CDYL: variants seen among roughly 807,000 people sequenced by gnomAD.
The protein encoded by CDYL is chromodomain Y-like protein.
In CDYL, 8 loss-of-function variants were observed where a neutral mutation model predicts 47.3. The observed-to-expected ratio is 0.17, with a 90% confidence interval of 0.10 to 0.31. CDYL has a LOEUF of 0.31. Ranked by LOEUF, CDYL falls within the 10% of genes least tolerant of loss-of-function variation. The pLI is 1.00. For synonymous variants in CDYL, 266 were observed against 265.0 expected (o/e 1.00, Z -0.04); for missense variants, 471 against 701.4 (o/e 0.67, Z 3.71).
At chr6:4,893,414 C>A (rs377044661) in intron 2 of CDYL, among the ~76,000 whole-genome samples, 2 of 152,188 alleles carry the variant, frequency 1.3e-5, no homozygotes, top group Admixed American at 1.3e-4. Flanking sequence ...TCTCTTTAGC[C>A]GGGCGTGGTG....
At chr6:4,887,415 CCT>C (rs1304954480) in intron 1 of CDYL, among the ~76,000 whole-genome samples, 1 of 151,916 alleles carries the variant, frequency 6.6e-6, no homozygotes, top group Non-Finnish European at 1.5e-5. Context: ...CTCTTTTATT[CCT>C]GTTTTTTTTC....
intron 2 of CDYL, among the ~76,000 whole-genome samples, chr6:4,922,816 G>A (rs2127510183): frequency 6.6e-6 from 1 of 152,270 alleles, no homozygotes; most frequent in East Asian, 1.9e-4. Context: ...ATCAGCAATG[G>A]ACACCAAACA....
intron 1 of CDYL, among the ~76,000 whole-genome samples, chr6:4,847,217 T>C (rs895765502): frequency 1.3e-5 from 2 of 152,212 alleles, no homozygotes; most frequent in African/African-American, 4.8e-5. Context: ...TCAGTAAGTC[T>C]TGGGAAAGCC....
intron 1 of CDYL, among the ~76,000 whole-genome samples, chr6:4,713,811 C>T (rs575596851): frequency 6.6e-6 from 1 of 152,280 alleles, no homozygotes; most frequent in Non-Finnish European, 1.5e-5. Context: ...CGGTCTCAAA[C>T]TCCAGATCTC....
chr6:4,725,053 A>C (rs1170175362), intron 2 of CDYL, among the ~76,000 whole-genome samples: 1 of 152,102 alleles, frequency 6.6e-6, no homozygotes, highest in Non-Finnish European at 1.5e-5. Context: ...TGGACACAAA[A>C]GTTCTCCACA....
chr6:4,888,740 A>AG (rs1478461461), intron 1 of CDYL, among the ~76,000 whole-genome samples: 1 of 152,062 alleles, frequency 6.6e-6, no homozygotes, highest in Non-Finnish European at 1.5e-5. Flanking sequence ...TTTTTAGTGT[A>AG]GGTGTTCACT....
At chr6:4,719,662 T>G (rs1197068150) in intron 2 of CDYL, among the ~76,000 whole-genome samples, 1 of 152,208 alleles carries the variant, frequency 6.6e-6, no homozygotes, top group African/African-American at 2.4e-5. Flanking sequence ...TGATGGGGGT[T>G]GATCCTTGGC....
chr6:4,797,463 G>A (rs1759106087), intron 1 of CDYL, among the ~76,000 whole-genome samples: 1 of 146,850 alleles, frequency 6.8e-6, no homozygotes. Context: ...ACATACCGTA[G>A]AATTTCTCCT....
At chr6:4,879,091 T>C (rs372183295) in intron 1 of CDYL, among the ~76,000 whole-genome samples, 18 of 152,348 alleles carry the variant, frequency 1.2e-4, no homozygotes, top group African/African-American at 4.3e-4. Flanking sequence ...AAAATTTTTA[T>C]TGAGACTTAT....
intron 1 of CDYL, among the ~76,000 whole-genome samples, chr6:4,884,485 G>A (rs1412724522): frequency 6.6e-6 from 1 of 152,196 alleles, no homozygotes; most frequent in Non-Finnish European, 1.5e-5. Flanking sequence ...TTTGACAGAA[G>A]CCGAGACAGT....
chr6:4,751,566 A>G (rs1757990540), intron 3 of CDYL, among the ~76,000 whole-genome samples: 2 of 152,192 alleles, frequency 1.3e-5, no homozygotes, highest in African/African-American at 2.4e-5. Flanking sequence ...AATGATAATA[A>G]TGAAGAGGGC....
At position 4,855,955 on chromosome 6, in the gene CDYL, A is replaced by G. The variant is rs562783906; in HGVS notation, c.25-35758A>G. Among the ~76,000 whole-genome samples the G allele has an allele frequency of 4.6e-5, 7 of 152,340 alleles. No individual in the cohort carries two copies. The South Asian group carries it at 1.5e-3, about 32-fold the overall frequency. On this transcript the variant is annotated intron_variant, in intron 1 of 6. Transcript: ENST00000397588. ...TATGCTCATTGTCCATTTGTTGCCA[A>G]GGTTGATTCTGGCTAAATGCATACC...
intron 2 of CDYL, among the ~76,000 whole-genome samples, chr6:4,914,448 G>A (rs183581480): frequency 6.6e-6 from 1 of 152,290 alleles, no homozygotes; most frequent in East Asian, 1.9e-4. Flanking sequence ...GTCTTTAGAA[G>A]CTCAGCTGAG....
chr6:4,856,166 G>C (rs996752809), intron 1 of CDYL, among the ~76,000 whole-genome samples: 1 of 152,170 alleles, frequency 6.6e-6, no homozygotes, highest in African/African-American at 2.4e-5. Flanking sequence ...AAAAGTTCCA[G>C]CCTTCTAGTA....
At chr6:4,779,138 A>AT (rs1758545444) in intron 1 of CDYL, among the ~76,000 whole-genome samples, 1 of 152,190 alleles carries the variant, frequency 6.6e-6, no homozygotes, top group Admixed American at 6.5e-5. Context: ...TAAAGGCAGT[A>AT]TTATCTGTAG....
At chr6:4,763,331 T>G (rs1011969260) in intron 3 of CDYL, among the ~76,000 whole-genome samples, 1 of 152,148 alleles carries the variant, frequency 6.6e-6, no homozygotes, top group Non-Finnish European at 1.5e-5. Context: ...AATAATGAGT[T>G]AAATATGTAG....
chr6:4,784,287 C>T (rs985091268), intron 1 of CDYL, among the ~76,000 whole-genome samples: 4 of 152,132 alleles, frequency 2.6e-5, no homozygotes, highest in Non-Finnish European at 5.9e-5. Context: ...ACTGAGGCAG[C>T]TGGGATATTT....
At chr6:4,717,196 G>A (rs114379679) in intron 2 of CDYL, among the ~76,000 whole-genome samples, 1,881 of 152,244 alleles carry the variant, frequency 0.012, 46 homozygotes, top group African/African-American at 0.043. Context: ...CTTTAAAGAG[G>A]CTGAGGCAGG....
chr6:4,717,703 C>CAAAAAAAAA (rs200835710), intron 2 of CDYL, among the ~76,000 whole-genome samples: 20 of 49,340 alleles, frequency 4.1e-4, no homozygotes, highest in African/African-American at 1.7e-3. Flanking sequence ...AAGACCCTCA[C>CAAAAAAAAA]AAAAAAAAAA....
Sources: gnomAD v4.1 joint callset for allele counts (sites outside exome capture counted in the v4.1 genomes callset) on GRCh38, gnomAD v4.1.1 for gene constraint, MANE v1.5 for transcripts, NCBI Gene and HGNC (gene_info 2026-07-23, HGNC 2026-07-21) for gene names.